CCBE1: variants seen among roughly 807,000 people sequenced by gnomAD.
The protein encoded by CCBE1 is collagen and calcium-binding EGF domain-containing protein 1.
A neutral mutation model predicts 50.0 loss-of-function variants in CCBE1; 37 were observed. That is an observed-to-expected ratio of 0.74 (90% CI 0.57 to 0.97). The LOEUF (loss-of-function observed/expected upper bound fraction) is 0.97, where lower values mean the gene tolerates loss of function less well. Ranked by LOEUF, CCBE1 falls within the 50% of genes least tolerant of loss-of-function variation. CCBE1 has a pLI of 0.00. For synonymous variants in CCBE1, 234 were observed against 203.7 expected (o/e 1.15, Z -1.27); for missense variants, 538 against 523.8 (o/e 1.03, Z -0.26).
intron 2 of CCBE1, among the ~76,000 whole-genome samples, chr18:59,500,804 T>TC: frequency 6.6e-6 from 1 of 152,146 alleles, no homozygotes; most frequent in East Asian, 1.9e-4. Context: ...CTGCCCTTCT[T>TC]CCAAAGACTG....
intron 2 of CCBE1, among the ~76,000 whole-genome samples, chr18:59,540,329 T>G (rs1598992921): frequency 6.6e-6 from 1 of 152,148 alleles, no homozygotes; most frequent in African/African-American, 2.4e-5. Flanking sequence ...AAATTACATA[T>G]AGAAATATTA....
At chr18:59,458,280 C>T (rs1043219457) in intron 5 of CCBE1, among the ~76,000 whole-genome samples, 1 of 152,198 alleles carries the variant, frequency 6.6e-6, no homozygotes, top group African/African-American at 2.4e-5. Context: ...GGAGCATCTG[C>T]TGTTAGCCAG....
At chr18:59,553,012 C>G (rs975332180) in intron 2 of CCBE1, among the ~76,000 whole-genome samples, 1 of 152,072 alleles carries the variant, frequency 6.6e-6, no homozygotes, top group Non-Finnish European at 1.5e-5. Context: ...ACACTTACAC[C>G]TTCTTTTATG....
At chr18:59,561,090 C>T (rs1178944497) in intron 2 of CCBE1, among the ~76,000 whole-genome samples, 1 of 152,138 alleles carries the variant, frequency 6.6e-6, no homozygotes, top group Admixed American at 6.5e-5. Context: ...GGTTTAAAAC[C>T]AAGTGGAAAC....
intron 2 of CCBE1, among the ~76,000 whole-genome samples, chr18:59,646,047 A>T (rs2054051467): frequency 6.6e-6 from 1 of 152,036 alleles, no homozygotes; most frequent in Admixed American, 6.6e-5. Context: ...AAAAAAGAAA[A>T]AAAAAAGGTA....
rs117916228 is a variant in CCBE1 at position 59,587,508 on chromosome 18, C to A, written c.213-107270G>T. On this transcript the variant is annotated intron_variant, in intron 2 of 10. Transcript: ENST00000439986. The stretch of plus-strand genomic sequence containing the variant: ...TTTAATCCCGTTATATTAGTCAGGA[C>A]AGAACATGTTATAGGAACTAACAGA... Among the ~76,000 whole-genome samples, 315 of 152,292 alleles carry A rather than the reference C, an allele frequency of 2.1e-3. 4 individuals are homozygous for A. The East Asian group carries it at 0.032, about 15-fold the overall frequency.
At chr18:59,675,640 C>T (rs2144718727) in intron 2 of CCBE1, among the ~76,000 whole-genome samples, 1 of 152,248 alleles carries the variant, frequency 6.6e-6, no homozygotes, top group South Asian at 2.1e-4. Context: ...AAGGAAAACC[C>T]CCACAACATT....
intron 7 of CCBE1, among the ~76,000 whole-genome samples, chr18:59,447,210 C>CGTATATATGTGTGT (rs1205060486): frequency 6.6e-6 from 1 of 151,938 alleles, no homozygotes; most frequent in Non-Finnish European, 1.5e-5. Context: ...TACACACATA[C>CGTATATATGTGTGT]GTATATATGT....
At chr18:59,501,393 T>C (rs1188779304) in intron 2 of CCBE1, among the ~76,000 whole-genome samples, 1 of 152,128 alleles carries the variant, frequency 6.6e-6, no homozygotes, top group African/African-American at 2.4e-5. Context: ...TCCTAAGATA[T>C]AGATCAGGAC....
intron 2 of CCBE1, among the ~76,000 whole-genome samples, chr18:59,498,745 G>A (rs1913474266): frequency 6.6e-6 from 1 of 152,166 alleles, no homozygotes; most frequent in Admixed American, 6.5e-5. Flanking sequence ...TGAGGTCTGT[G>A]CCCAGCCAAA....
intron 7 of CCBE1, among the ~76,000 whole-genome samples, chr18:59,445,439 A>G (rs1910627165): frequency 6.6e-6 from 1 of 152,176 alleles, no homozygotes. Flanking sequence ...TTGTCTCATA[A>G]TTGTTCTTTT....
intron 2 of CCBE1, among the ~76,000 whole-genome samples, chr18:59,532,314 G>A (rs1351552259): frequency 6.6e-6 from 1 of 152,152 alleles, no homozygotes; most frequent in Non-Finnish European, 1.5e-5. Context: ...CAAAATGCTG[G>A]GATTATAGGC....
chr18:59,587,782 C>A (rs961862767), intron 2 of CCBE1, among the ~76,000 whole-genome samples: 8 of 151,906 alleles, frequency 5.3e-5, no homozygotes, highest in African/African-American at 1.7e-4. Flanking sequence ...AAAACAGAAC[C>A]CAAAAGAATC....
intron 2 of CCBE1, among the ~76,000 whole-genome samples, chr18:59,636,284 C>CA (rs1428100572): frequency 5.9e-5 from 9 of 152,014 alleles, no homozygotes; most frequent in Non-Finnish European, 1.2e-4. Flanking sequence ...GACATTGAGG[C>CA]AAAAAGGCAA....
chr18:59,525,655 A>T (rs546448794), intron 2 of CCBE1, among the ~76,000 whole-genome samples: 68 of 152,310 alleles, frequency 4.5e-4, no homozygotes, highest in African/African-American at 1.6e-3. Context: ...TTTTGTCATG[A>T]AATATTTTCC....
At chr18:59,563,879 A>G (rs566990425) in intron 2 of CCBE1, 2 of 152,336 alleles carry the variant, frequency 1.3e-5, no homozygotes, top group African/African-American at 4.8e-5. Flanking sequence ...AGGGAACGTG[A>G]TGAACAGTGG....
intron 2 of CCBE1, among the ~76,000 whole-genome samples, chr18:59,588,997 T>C (rs2053218993): frequency 6.6e-6 from 1 of 152,208 alleles, no homozygotes; most frequent in Non-Finnish European, 1.5e-5. Context: ...GACGGATGGC[T>C]TTCCCAGCAT....
At chr18:59,507,565 C>T (rs1441774423) in intron 2 of CCBE1, among the ~76,000 whole-genome samples, 1 of 152,188 alleles carries the variant, frequency 6.6e-6, no homozygotes, top group Non-Finnish European at 1.5e-5. Context: ...TGTACTTGTC[C>T]AACCCACTTC....
chr18:59,547,065 GA>G (rs1915721318), intron 2 of CCBE1, among the ~76,000 whole-genome samples: 1 of 107,644 alleles, frequency 9.3e-6, no homozygotes, highest in Non-Finnish European at 1.9e-5. Flanking sequence ...GAGAGAGGGG[GA>G]GAGAGGGGGA....
Sources: gnomAD v4.1 joint callset for allele counts (sites outside exome capture counted in the v4.1 genomes callset) on GRCh38, gnomAD v4.1.1 for gene constraint, MANE v1.5 for transcripts, NCBI Gene and HGNC (gene_info 2026-07-23, HGNC 2026-07-21) for gene names.